The following RNF128 variants were observed in gnomAD, a reference collection of about 807,000 sequenced individuals.
RNF128 encodes the protein E3 ubiquitin-protein ligase RNF128.
In RNF128, 13 loss-of-function variants were observed where a neutral mutation model predicts 26.2. The observed-to-expected ratio is 0.50, with a 90% CI of 0.32 to 0.79. The LOEUF is 0.79. Among genes scored for constraint, RNF128 ranks in the 30% least tolerant of loss-of-function variants. RNF128 has a pLI of 0.03. For missense variants in RNF128, 315 were observed against 349.7 expected (o/e 0.90, Z 0.79); for synonymous variants, 149 against 142.5 (o/e 1.05, Z -0.32).
At chrX:106,705,104 G>C (rs1360522783) in intron 1 of RNF128, among the ~76,000 whole-genome samples, 1 of 111,446 alleles carries the variant, frequency 9.0e-6, no homozygotes, top group Non-Finnish European at 1.9e-5. Context: ...GGGAGGTAGG[G>C]TACGGTGGAG....
At chrX:106,757,804 G>A (rs918652707) in intron 1 of RNF128, among the ~76,000 whole-genome samples, 2 of 111,774 alleles carry the variant, frequency 1.8e-5, no homozygotes, top group East Asian at 5.6e-4. Context: ...TGCAATAAAA[G>A]CTATATGTGA....
chrX:106,781,309 A>G (rs1930560900), intron 2 of RNF128, among the ~76,000 whole-genome samples: 1 of 112,097 alleles, frequency 8.9e-6, no homozygotes, highest in Admixed American at 9.5e-5. Flanking sequence ...TGTAATTTGT[A>G]TAATGTAGAT....
rs145309939 is a variant in RNF128, at chrX:106,740,513, A to G, written c.484+13116A>G. 1.0e-3 allele frequency among the ~76,000 whole-genome samples: 112 copies of G among 112,031 alleles called. 2 individuals are homozygous for G. The East Asian group carries it at 0.025, about 25-fold the overall frequency. The stretch of plus-strand genomic sequence containing the variant: ...CTCCTAAATAAACAATTGAATAAAC[A>G]GTGGAATTCTCCTTTACAAGGGCTC... On this transcript the variant is annotated intron_variant, in intron 1 of 6. Coordinates refer to ENST00000255499, the MANE Select transcript of RNF128 (RefSeq NM_194463.2).
intron 1 of RNF128, among the ~76,000 whole-genome samples, chrX:106,756,640 G>T (rs1315179482): frequency 3.3e-4 from 36 of 109,745 alleles, no homozygotes; most frequent in Admixed American, 9.7e-4. Flanking sequence ...AACCCTAGAA[G>T]AAAACCTAGG....
intron 1 of RNF128, among the ~76,000 whole-genome samples, chrX:106,712,870 T>C (rs1350815272): frequency 9.6e-6 from 1 of 104,644 alleles, no homozygotes; most frequent in Admixed American, 1.0e-4. Flanking sequence ...AAGTTATGAG[T>C]AGATAAAGTT....
chrX:106,769,004 G>T (rs763323144), intron 1 of RNF128, among the ~76,000 whole-genome samples: 1 of 112,080 alleles, frequency 8.9e-6, no homozygotes, highest in Non-Finnish European at 1.9e-5. Flanking sequence ...AGGTTGTTCA[G>T]TTTCCATGTG....
At chrX:106,792,238 T>C (rs1930839968) in intron 6 of RNF128, among the ~76,000 whole-genome samples, 1 of 110,468 alleles carries the variant, frequency 9.1e-6, no homozygotes, top group Admixed American at 9.8e-5. Flanking sequence ...CAGATGATCT[T>C]GTACTCTCAT....
rs1334077499 is a variant in RNF128, at chrX:106,784,667, T to C, written c.733-398T>C. 2.7e-5 allele frequency among the ~76,000 whole-genome samples: 3 copies of C among 111,653 alleles called. No individual in the cohort carries two copies. The East Asian group carries it at 8.5e-4, about 32-fold the overall frequency. The stretch of plus-strand genomic sequence containing the variant: ...TTGAACCATTGGAATCCAAATCCTA[T>C]GCACTTTCCACCAAACAAGACACGA... On this transcript the variant is annotated intron_variant, in intron 2 of 6. Transcript: ENST00000255499.
chrX:106,712,103 C>T (rs1929138255), intron 1 of RNF128, among the ~76,000 whole-genome samples: 1 of 112,410 alleles, frequency 8.9e-6, no homozygotes, highest in African/African-American at 3.2e-5. Flanking sequence ...GGCTAACTTT[C>T]TTTGATCACT....
At chrX:106,755,556 G>A (rs1929990132) in intron 1 of RNF128, among the ~76,000 whole-genome samples, 1 of 111,412 alleles carries the variant, frequency 9.0e-6, no homozygotes, top group Admixed American at 9.6e-5. Flanking sequence ...CATTAATAGG[G>A]TAATTGATCA....
At chrX:106,775,497 A>G (rs2147696444) in intron 2 of RNF128, among the ~76,000 whole-genome samples, 1 of 111,886 alleles carries the variant, frequency 8.9e-6, no homozygotes, top group East Asian at 2.8e-4. Flanking sequence ...ACCTCTGTAG[A>G]AATGGTCAAG....
intron 4 of RNF128, among the ~76,000 whole-genome samples, chrX:106,788,374 T>A (rs1416987732): frequency 9.5e-5 from 4 of 42,300 alleles, no homozygotes; most frequent in African/African-American, 2.6e-4. Flanking sequence ...TAATATATAT[T>A]ATATATTATA....
At chrX:106,771,493 T>C (rs1411975831) in intron 1 of RNF128, among the ~76,000 whole-genome samples, 1 of 112,777 alleles carries the variant, frequency 8.9e-6, no homozygotes, top group Non-Finnish European at 1.9e-5. Context: ...CCTTGCAGTT[T>C]GATCTCAGAC....
At chrX:106,701,254 G>A (rs1415721913) in intron 1 of RNF128, among the ~76,000 whole-genome samples, 2 of 111,269 alleles carry the variant, frequency 1.8e-5, no homozygotes, top group Non-Finnish European at 3.8e-5. Context: ...AGTGATAACA[G>A]TATACATCCT....
At chrX:106,732,773 A>G (rs1188200372) in intron 1 of RNF128, among the ~76,000 whole-genome samples, 3 of 111,677 alleles carry the variant, frequency 2.7e-5, no homozygotes, top group Non-Finnish European at 5.6e-5. Flanking sequence ...ATAATGACAA[A>G]TGACTTTTCA....
At position 106,788,397 on chromosome X, in the gene RNF128, T is replaced by TATATATAATATATAATATATAATATATA. The variant is rs1189587784; in HGVS notation, c.887+398_887+425dup. On this transcript the variant is annotated intron_variant, in intron 4 of 6. Transcript: ENST00000255499. ...ATTATATATTATATATAATATATAT[T>TATATATAATATATAATATATAATATATA]ATATATAATATATAATATATAATAT... Among the ~76,000 whole-genome samples the TATATATAATATATAATATATAATATATA allele has an allele frequency of 8.9e-4, 37 of 41,462 alleles. 3 individuals carry two copies. Among genetic ancestry groups the TATATATAATATATAATATATAATATATA allele is most frequent in the African/African-American group, 5.2e-3 (35 of 6,722 alleles). The allele number at this position is 41,462 out of a possible 115,157, so 36.0% of individuals were successfully genotyped here.
At chrX:106,695,421 A>G (rs189266115) in intron 1 of RNF128, among the ~76,000 whole-genome samples, 1 of 111,904 alleles carries the variant, frequency 8.9e-6, no homozygotes, top group African/African-American at 3.2e-5. Context: ...GGAATGTTCC[A>G]AGTTGTACAC....
chrX:106,713,047 A>G lies in RNF128; in HGVS notation c.406+18639A>G, dbSNP rs1929155947. On this transcript the variant is annotated intron_variant, in intron 1 of 6. Transcript: ENST00000324342. ...AGGTATCCGCCGCTTCGCCCATCTA[A>G]TTTTTGTATTTTTATTAGAGATGGG... Among the ~76,000 whole-genome samples the G allele has an allele frequency of 2.8e-5, 3 of 107,646 alleles. No homozygotes were observed. In the Admixed American group the frequency reaches 3.0e-4, roughly 11 times the overall value. 93.5% of individuals were successfully genotyped at this position (107,646 alleles called of 115,157 possible).
intron 6 of RNF128, among the ~76,000 whole-genome samples, chrX:106,791,904 A>T (rs1372086815): frequency 3.6e-5 from 4 of 110,914 alleles, no homozygotes; most frequent in Non-Finnish European, 7.6e-5. Flanking sequence ...AATCTTTTCC[A>T]TGTTTTTGTT....
Sources: gnomAD v4.1 joint callset for allele counts (sites outside exome capture counted in the v4.1 genomes callset) on GRCh38, gnomAD v4.1.1 for gene constraint, MANE v1.5 for transcripts, NCBI Gene and HGNC (gene_info 2026-07-23, HGNC 2026-07-21) for gene names.